The following ERAP1 variants were observed in gnomAD, a reference collection of about 807,000 sequenced individuals.
ERAP1 encodes endoplasmic reticulum aminopeptidase 1.
A neutral mutation model predicts 103.7 loss-of-function variants in ERAP1; 86 were observed. That is an observed-to-expected ratio of 0.83 (90% CI 0.70 to 0.99). The LOEUF (loss-of-function observed/expected upper bound fraction) is 0.99. Ranked by LOEUF, ERAP1 falls within the 50% of genes least tolerant of loss-of-function variation. ERAP1 has a pLI of 0.00. For missense variants in ERAP1, 1,009 were observed against 1,128.4 expected (o/e 0.89, Z 1.52); for synonymous variants, 398 against 402.4 (o/e 0.99, Z 0.13).
chr5:96,854,321 G>C, the ERAP1 span, among the ~76,000 whole-genome samples: 1 of 152,034 alleles, frequency 6.6e-6, no homozygotes, highest in Non-Finnish European at 1.5e-5. Flanking sequence ...TGATTCAATA[G>C]ATACCTCAAG....
the ERAP1 span, among the ~76,000 whole-genome samples, chr5:96,923,942 G>A: frequency 6.6e-6 from 1 of 152,202 alleles, no homozygotes; most frequent in Non-Finnish European, 1.5e-5. Context: ...GGCTTGGGGA[G>A]TGAGTTGTGG....
At chr5:96,895,993 T>C in the ERAP1 span, among the ~76,000 whole-genome samples, 32 of 152,320 alleles carry the variant, frequency 2.1e-4, no homozygotes, top group African/African-American at 6.3e-4. Context: ...AAGCTTTATA[T>C]ATTCTTATTT....
At chr5:96,767,704 G>A (rs1260181982) in intron 19 of ERAP1, among the ~76,000 whole-genome samples, 1 of 152,074 alleles carries the variant, frequency 6.6e-6, no homozygotes, top group Non-Finnish European at 1.5e-5. Flanking sequence ...TAAGCAACGT[G>A]TATTAAAGAG....
chr5:96,908,715 A>G, the ERAP1 span, among the ~76,000 whole-genome samples: 1 of 152,216 alleles, frequency 6.6e-6, no homozygotes, highest in Non-Finnish European at 1.5e-5. Flanking sequence ...TAATCCTCAC[A>G]ACAAGCCTAT....
At chr5:96,767,150 T>C (rs1408398506) in intron 19 of ERAP1, among the ~76,000 whole-genome samples, 1 of 152,228 alleles carries the variant, frequency 6.6e-6, no homozygotes, top group Non-Finnish European at 1.5e-5. Context: ...TTAAGTAGAA[T>C]TATAAGTGAT....
At chr5:96,853,190 TG>T in the ERAP1 span, among the ~76,000 whole-genome samples, 1 of 152,142 alleles carries the variant, frequency 6.6e-6, no homozygotes, top group Non-Finnish European at 1.5e-5. Flanking sequence ...AAAGAATAAA[TG>T]AGCCTTTAGG....
the ERAP1 span, among the ~76,000 whole-genome samples, chr5:96,875,535 C>CAA: frequency 7.4e-6 from 1 of 134,924 alleles, no homozygotes; most frequent in African/African-American, 2.8e-5. Context: ...GACCCTATCT[C>CAA]AAAAAAAAAA....
At chr5:96,909,864 G>A in the ERAP1 span, 9 of 1,186,948 alleles carry the variant, frequency 7.6e-6, no homozygotes, top group African/African-American at 3.1e-5. Flanking sequence ...AGTGAGGATA[G>A]AAAAAAAAAC....
At chr5:96,797,025 G>T in intron 4 of ERAP1, 150 bp downstream of exon 4, 1 of 854,766 alleles carries the variant, frequency 1.2e-6, no homozygotes, top group South Asian at 1.5e-5. Context: ...CTGGCCTCAA[G>T]TGATTCTTCC....
chr5:96,914,141 C>G, the ERAP1 span, among the ~76,000 whole-genome samples: 1 of 111,526 alleles, frequency 9.0e-6, no homozygotes, highest in Non-Finnish European at 1.9e-5. Context: ...CTCTCTCTCT[C>G]TCTCTCTCAC....
At chr5:96,879,817 T>C in the ERAP1 span, 1 of 1,614,186 alleles carries the variant, frequency 6.2e-7, no homozygotes, top group Non-Finnish European at 8.5e-7. Context: ...CATCTAGTTA[T>C]CACTTCACTG....
chr5:96,838,434 G>T, the ERAP1 span, among the ~76,000 whole-genome samples: 1 of 152,140 alleles, frequency 6.6e-6, no homozygotes, highest in Non-Finnish European at 1.5e-5. Context: ...CCCAGTTTTT[G>T]ATAACATGGT....
the ERAP1 span, chr5:96,892,574 T>G: frequency 8.8e-7 from 1 of 1,142,184 alleles, no homozygotes; most frequent in Non-Finnish European, 1.2e-6. Context: ...ACTTAGAGAC[T>G]ACTAAACCTA....
chr5:96,809,964 G>T (rs949800083), upstream of ERAP1, among the ~76,000 whole-genome samples: 2 of 152,170 alleles, frequency 1.3e-5, no homozygotes, highest in Non-Finnish European at 2.9e-5. Flanking sequence ...CACCCAACAG[G>T]CTGGAGGTTA....
intron 3 of ERAP1, among the ~76,000 whole-genome samples, chr5:96,799,112 T>C (rs1777695299): frequency 6.6e-6 from 1 of 152,226 alleles, no homozygotes; most frequent in Middle Eastern, 3.4e-3. Flanking sequence ...GTTATCCACC[T>C]GCCTCAGCCT....
At chr5:96,865,029 A>G in the ERAP1 span, among the ~76,000 whole-genome samples, 1 of 152,156 alleles carries the variant, frequency 6.6e-6, no homozygotes, top group Admixed American at 6.6e-5. Context: ...TTTGTCCTTT[A>G]ACTTTTGTAT....
At chr5:96,821,640 G>A in the ERAP1 span, among the ~76,000 whole-genome samples, 1 of 152,152 alleles carries the variant, frequency 6.6e-6, no homozygotes, top group Non-Finnish European at 1.5e-5. Flanking sequence ...AGAGCTCAGT[G>A]AAAGCTAATG....
At position 96,775,187 on chromosome 5, in the gene ERAP1, GCTTT is replaced by G. The variant is rs1210759541; in HGVS notation, c.*1205_*1208del. The G allele has an allele frequency of 1.3e-5, 13 of 985,506 alleles. No individual in the cohort carries two copies. The highest frequency in any genetic ancestry group is 1.1e-4 in the East Asian group (1 of 8,960). The allele number at this position is 985,506 out of a possible 1,614,324, so 61.0% of individuals were successfully genotyped here. A position where few individuals can be genotyped will look rare whatever the true frequency, so the allele number is the denominator to read the frequency against. The stretch of plus-strand genomic sequence containing the variant: ...TTGGTTTACCATGTTAGTAAACTGT[GCTTT>G]CTATTATTATCATCTATACATAAAA... On this transcript the variant is annotated 3_prime_UTR_variant, in exon 19 of 19. Transcript: ENST00000443439.
the ERAP1 span, among the ~76,000 whole-genome samples, chr5:96,931,215 G>A: frequency 1.1e-4 from 16 of 151,374 alleles, no homozygotes; most frequent in African/African-American, 3.9e-4. Flanking sequence ...GGAGTGCAGT[G>A]GTGTGATCTT....
Sources: gnomAD v4.1 joint callset for allele counts (sites outside exome capture counted in the v4.1 genomes callset) on GRCh38, gnomAD v4.1.1 for gene constraint, MANE v1.5 for transcripts, NCBI Gene and HGNC (gene_info 2026-07-23, HGNC 2026-07-21) for gene names.